Variants in ZYG11B observed in about 807,000 individuals in gnomAD.
ZYG11B encodes the protein protein zyg-11 homolog B.
A neutral mutation model predicts 82.4 loss-of-function variants in ZYG11B; 36 were observed. The observed-to-expected ratio is 0.44, with a 90% confidence interval of 0.33 to 0.58. The LOEUF is 0.58. ZYG11B is among the 20% of genes least tolerant of loss of function. ZYG11B has a pLI of 0.02. For missense variants in ZYG11B, 552 were observed against 895.6 expected, an observed-to-expected ratio of 0.62 and a Z score of 4.90; for synonymous variants, 303 against 312.8, an observed-to-expected ratio of 0.97 and a Z score of 0.33.
At chr1:52,770,597 C>A (rs1421959673) in intron 2 of ZYG11B, among the ~76,000 whole-genome samples, 1 of 152,092 alleles carries the variant, frequency 6.6e-6, no homozygotes, top group African/African-American at 2.4e-5. Context: ...CTCTCTAGAA[C>A]GTGAAGTCTC....
intron 1 of ZYG11B, among the ~76,000 whole-genome samples, chr1:52,740,334 GC>G (rs753418995): frequency 5.9e-5 from 9 of 152,194 alleles, no homozygotes; most frequent in Non-Finnish European, 1.3e-4. Flanking sequence ...CTACCTCCTT[GC>G]CCTTTAGCAC....
At chr1:52,812,625 G>A (rs190990951) in intron 10 of ZYG11B, among the ~76,000 whole-genome samples, 84 of 149,462 alleles carry the variant, frequency 5.6e-4, no homozygotes, top group African/African-American at 1.6e-3. Context: ...GGCTGGTCTC[G>A]AACTCCTGAC....
chr1:52,737,820 G>A (rs1644390592), intron 1 of ZYG11B, among the ~76,000 whole-genome samples: 1 of 152,226 alleles, frequency 6.6e-6, no homozygotes, highest in Non-Finnish European at 1.5e-5. Flanking sequence ...GTTTGATAGA[G>A]AATTGCATAA....
intron 4 of ZYG11B, among the ~76,000 whole-genome samples, chr1:52,782,963 A>G (rs953489766): frequency 7.8e-5 from 11 of 140,448 alleles, no homozygotes; most frequent in Admixed American, 1.5e-4. Context: ...GTCTCACCCT[A>G]TTGCCCAGGA....
intron 10 of ZYG11B, among the ~76,000 whole-genome samples, chr1:52,811,912 C>T (rs532504283): frequency 2.4e-4 from 36 of 151,980 alleles, no homozygotes; most frequent in African/African-American, 8.4e-4. Context: ...TTGCCTGTAG[C>T]CCCAGGTACC....
intron 13 of ZYG11B, 151 bp downstream of exon 13, chr1:52,816,780 CTTTTTTTTTT>C (rs71044423): frequency 3.8e-6 from 1 of 260,004 alleles, no homozygotes; most frequent in Non-Finnish European, 6.4e-6. Flanking sequence ...TTAAGGTATT[CTTTTTTTTTT>C]TTTTTTTTTT....
intron 8 of ZYG11B, among the ~76,000 whole-genome samples, chr1:52,797,642 G>T (rs1013167627): frequency 3.4e-5 from 5 of 148,928 alleles, no homozygotes; most frequent in Non-Finnish European, 7.4e-5. Context: ...CCGAGTAGCT[G>T]GGACTACAGG....
chr1:52,772,098 G>A, intron 3 of ZYG11B: 1 of 839,578 alleles, frequency 1.2e-6, no homozygotes. Context: ...ATAATGTTTA[G>A]CTATTTTGAA....
At chr1:52,770,602 A>G (rs1000835008) in intron 2 of ZYG11B, among the ~76,000 whole-genome samples, 1 of 152,130 alleles carries the variant, frequency 6.6e-6, no homozygotes, top group Non-Finnish European at 1.5e-5. Flanking sequence ...TAGAACGTGA[A>G]GTCTCCTCGT....
intron 3 of ZYG11B, 47 bp from the exon 4 acceptor site, chr1:52,779,806 T>C: frequency 1.9e-6 from 3 of 1,606,686 alleles, no homozygotes; most frequent in Non-Finnish European, 2.5e-6. Flanking sequence ...GATAATTAGA[T>C]AGAGAAAGAG....
At chr1:52,806,964 G>A (rs1352381542) in intron 10 of ZYG11B, among the ~76,000 whole-genome samples, 1 of 151,958 alleles carries the variant, frequency 6.6e-6, no homozygotes, top group Non-Finnish European at 1.5e-5. Flanking sequence ...CACCTCCCGG[G>A]TTCAAGTGAT....
intron 2 of ZYG11B, among the ~76,000 whole-genome samples, chr1:52,760,173 T>G (rs1341038255): frequency 6.6e-6 from 1 of 152,146 alleles, no homozygotes; most frequent in Non-Finnish European, 1.5e-5. Context: ...CCAAGGGCAG[T>G]GATTCACGCC....
chr1:52,729,179 G>A (rs1644309541), intron 1 of ZYG11B, among the ~76,000 whole-genome samples: 1 of 152,130 alleles, frequency 6.6e-6, no homozygotes, highest in African/African-American at 2.4e-5. Context: ...CAGGGGCCAG[G>A]CAGCTCTCTG....
chr1:52,744,614 G>A (rs928961460), intron 1 of ZYG11B, among the ~76,000 whole-genome samples: 1 of 152,170 alleles, frequency 6.6e-6, no homozygotes, highest in African/African-American at 2.4e-5. Context: ...AGGCCAAGGC[G>A]GGCGGATCAT....
At chr1:52,806,086 T>A (rs1645139544) in intron 10 of ZYG11B, among the ~76,000 whole-genome samples, 1 of 152,178 alleles carries the variant, frequency 6.6e-6, no homozygotes, top group African/African-American at 2.4e-5. Flanking sequence ...ATAATTTAAT[T>A]TGAGATATTT....
intron 2 of ZYG11B, among the ~76,000 whole-genome samples, chr1:52,760,269 C>T (rs1405140313): frequency 6.6e-6 from 1 of 152,136 alleles, no homozygotes; most frequent in Non-Finnish European, 1.5e-5. Context: ...ATGGCAAAAC[C>T]CTGTCTTTAC....
intron 2 of ZYG11B, among the ~76,000 whole-genome samples, chr1:52,757,971 G>A (rs1386907485): frequency 6.6e-6 from 1 of 151,758 alleles, no homozygotes; most frequent in Non-Finnish European, 1.5e-5. Flanking sequence ...GGAGGTCAAG[G>A]TGGGCGGATC....
chr1:52,753,023 T>C (rs907659750), intron 1 of ZYG11B, among the ~76,000 whole-genome samples: 1 of 152,058 alleles, frequency 6.6e-6, no homozygotes, highest in African/African-American at 2.4e-5. Context: ...AATTTTTGTA[T>C]TTTTAGGAGA....
At chr1:52,733,002 A>G (rs1241878822) in intron 1 of ZYG11B, among the ~76,000 whole-genome samples, 1 of 152,076 alleles carries the variant, frequency 6.6e-6, no homozygotes, top group Non-Finnish European at 1.5e-5. Flanking sequence ...TTAACCCAAC[A>G]TAGGAGGTTA....
Sources: allele counts gnomAD v4.1 joint callset (sites outside exome capture counted in the v4.1 genomes callset), GRCh38; gene constraint gnomAD v4.1.1; transcripts MANE v1.5; gene names NCBI Gene and HGNC (gene_info 2026-07-23, HGNC 2026-07-21).